Variants in KMT2E observed in about 807,000 individuals in gnomAD.
The protein encoded by KMT2E is histone reader KMT2E.
Under a neutral mutation model 184.6 loss-of-function variants are expected in KMT2E, and 30 were observed. That is an observed-to-expected ratio of 0.16 (90% CI 0.12 to 0.22). The LOEUF (loss-of-function observed/expected upper bound fraction) is 0.22, where lower values mean the gene tolerates loss of function less well. KMT2E is among the 10% of genes least tolerant of loss of function. The pLI is 1.00. For synonymous variants in KMT2E, 815 were observed against 776.5 expected, an observed-to-expected ratio of 1.05 and a Z score of -0.82; for missense variants, 2,023 against 2,237.4, an observed-to-expected ratio of 0.90 and a Z score of 1.93.
chr7:105,084,416 A>G (rs898189263), intron 13 of KMT2E, among the ~76,000 whole-genome samples: 1 of 152,176 alleles, frequency 6.6e-6, no homozygotes, highest in Non-Finnish European at 1.5e-5. Flanking sequence ...ACTTGAGGCC[A>G]GGAGTTCAAG....
At chr7:105,072,914 CA>C (rs1252053420) in intron 6 of KMT2E, among the ~76,000 whole-genome samples, 3 of 146,766 alleles carry the variant, frequency 2.0e-5, no homozygotes, top group African/African-American at 5.0e-5. Flanking sequence ...AACTCCATCT[CA>C]AAAAAAAAGC....
intron 3 of KMT2E, among the ~76,000 whole-genome samples, chr7:105,042,103 G>A (rs1322988074): frequency 1.3e-5 from 2 of 152,238 alleles, no homozygotes; most frequent in African/African-American, 4.8e-5. Flanking sequence ...GGATTCTCAT[G>A]TCTTAGCCTC....
At position 105,038,890 on chromosome 7, in the gene KMT2E, C is replaced by G. The variant is rs370058397; in HGVS notation, c.-115+691C>G. On this transcript the variant is annotated intron_variant, in intron 2 of 26. Coordinates refer to ENST00000311117, the MANE Select transcript of KMT2E (RefSeq NM_182931.3). The stretch of plus-strand genomic sequence containing the variant: ...TGTCTTAATACATATGACCTCTTGT[C>G]TTCTGACCTCTTGTGAGTAAATTAC... Among the ~76,000 whole-genome samples, 7 of 152,214 alleles carry G rather than the reference C, an allele frequency of 4.6e-5. No homozygotes were observed. The East Asian group carries it at 1.3e-3, about 29-fold the overall frequency.
intron 3 of KMT2E, among the ~76,000 whole-genome samples, chr7:105,045,324 G>A (rs868186706): frequency 1.5e-4 from 23 of 152,086 alleles, no homozygotes; most frequent in African/African-American, 5.6e-4. Flanking sequence ...AACATTTATC[G>A]TGTTAACCAT....
intron 15 of KMT2E, among the ~76,000 whole-genome samples, chr7:105,092,398 T>C (rs1798243141): frequency 6.6e-6 from 1 of 152,022 alleles, no homozygotes; most frequent in Admixed American, 6.5e-5. Flanking sequence ...CAAGACTCCA[T>C]CTCCAAAAAA....
intron 23 of KMT2E, 27 bp downstream of exon 23, chr7:105,109,255 C>A: frequency 6.3e-7 from 1 of 1,598,266 alleles, no homozygotes; most frequent in African/African-American, 1.3e-5. Context: ...GTATGCTACT[C>A]TGGAAAAAAC....
At position 105,113,885 on chromosome 7, in the gene KMT2E, C is replaced by T. The variant is rs1020862783; in HGVS notation, c.*552C>T. On this transcript the variant is annotated 3_prime_UTR_variant, in exon 27 of 27. Transcript: ENST00000311117. ...AACTGTAAATACTGCATTTCTTTTG[C>T]GTATATAATTGCTTACAGCTTTTCT... is the stretch of plus-strand genomic sequence containing the variant. The T allele has an allele frequency of 3.2e-5, 5 of 154,780 alleles. No homozygotes were observed. Among genetic ancestry groups the T allele is most frequent in the African/African-American group, 1.2e-4 (5 of 41,464 alleles). 9.6% of individuals were successfully genotyped at this position (154,780 alleles called of 1,614,324 possible).
rs761219973 is a variant in KMT2E at position 105,063,362 on chromosome 7, T to C, written c.198T>C (p.Tyr66=). The change falls in exon 5 of 27, where the codon TAT becomes TAC. Residue 66 remains tyrosine (Y), a synonymous_variant. Transcript: ENST00000311117. The part of the protein sequence containing the change: ...YIGLPYADHN[Y]GARPPPTPPA... ...GTTTAATTATTCAGGACCATAATTA[T>C]GGTGCTCGTCCTCCTCCGACACCTC... is the stretch of plus-strand genomic sequence containing the variant. 6 of 1,607,536 alleles carry C rather than the reference T, an allele frequency of 3.7e-6. No individual in the cohort carries two copies. The African/African-American group carries it at 4.0e-5, about 11-fold the overall frequency.
intron 23 of KMT2E, among the ~76,000 whole-genome samples, 181 bp from the exon 24 acceptor site, chr7:105,110,099 C>G (rs1584811245): frequency 6.6e-6 from 1 of 152,128 alleles, no homozygotes; most frequent in East Asian, 1.9e-4. Flanking sequence ...TCCCAAAGTG[C>G]TGGGATTACA....
rs895243676 is a variant in KMT2E at position 105,084,098 on chromosome 7, G to A, written c.1358+2301G>A. ...AAAGTGCATGGTTTTCACATTCTGC[G>A]GCCCAGCTGCGGTGATGGCTCCACA... is the stretch of plus-strand genomic sequence containing the variant. On this transcript the variant is annotated intron_variant, in intron 13 of 26. Transcript: ENST00000311117. Among the ~76,000 whole-genome samples, 6 of 152,182 alleles carry A rather than the reference G, an allele frequency of 3.9e-5. No individual in the cohort carries two copies. The Middle Eastern group carries it at 0.014, about 345-fold the overall frequency.
At position 105,090,499 on chromosome 7, in the gene KMT2E, A is replaced by G. The variant is rs770959312; in HGVS notation, c.1623+226A>G. On this transcript the variant is annotated intron_variant, in intron 14 of 26. Transcript: ENST00000311117. Reference sequence around the variant, plus strand: ...CAAGCAAATCCTTGCAGAATTGCAGACAAGATTTTCCTAAGACTAGATAAC... The same window carrying G: ...CAAGCAAATCCTTGCAGAATTGCAGGCAAGATTTTCCTAAGACTAGATAAC... 3.9e-5 allele frequency among the ~76,000 whole-genome samples: 6 copies of G among 152,342 alleles called. No homozygotes were observed. In the South Asian group the frequency reaches 6.2e-4, roughly 16 times the overall value.
At chr7:105,037,163 ATTAAT>A (rs1347592932) in intron 1 of KMT2E, among the ~76,000 whole-genome samples, 1 of 152,200 alleles carries the variant, frequency 6.6e-6, no homozygotes, top group East Asian at 1.9e-4. Context: ...AAATATATAC[ATTAAT>A]TTAAAATATT....
chr7:105,109,690 T>C (rs1255065666), intron 23 of KMT2E, among the ~76,000 whole-genome samples: 1 of 152,176 alleles, frequency 6.6e-6, no homozygotes, highest in African/African-American at 2.4e-5. Flanking sequence ...TTTTGGTACC[T>C]TTGGTAACCT....
chr7:105,068,638 TG>T (rs1159837723), intron 6 of KMT2E, among the ~76,000 whole-genome samples: 3,914 of 129,028 alleles, frequency 0.03, 558 homozygotes, highest in African/African-American at 0.099. Context: ...TTTTTTTTTT[TG>T]TTTTTTTTTT....
chr7:105,090,210 G>A lies in KMT2E; in HGVS notation c.1560G>A (p.Met520Ile), dbSNP rs143750087. The change falls in exon 14 of 27, where the codon ATG (methionine) becomes ATA (isoleucine). Residue 520 changes from methionine to isoleucine, a missense_variant. Met to Ile is a conservative substitution (Grantham distance 10, BLOSUM62 1). Transcript: ENST00000311117. The part of the protein sequence containing the change: ...TLDCEGTTNK[M>I]KSPETKQRKL... ...ATTGTGAAGGAACGACCAACAAAAT[G>A]AAGAGCCCAGAAACTAAACAAAGAA... is the stretch of plus-strand genomic sequence containing the variant. The A allele has an allele frequency of 6.2e-6, 10 of 1,609,782 alleles. No homozygotes were observed. The African/African-American group carries it at 1.3e-4, about 22-fold the overall frequency.
Position 105,074,810 on chromosome 7 carries a change from A to C in KMT2E, c.724A>C (p.Lys242Gln). The C allele has an allele frequency of 6.2e-7, 1 of 1,600,370 alleles. No individual in the cohort carries two copies. Among genetic ancestry groups the C allele is most frequent in the Non-Finnish European group, 8.5e-7 (1 of 1,174,548 alleles). Residue 242 changes from lysine (K) to glutamine (Q), a missense_variant, in exon 8 of 27, where the codon AAA becomes CAA. Lys to Gln is a moderately conservative substitution (Grantham distance 53). Around this residue, in one of 8 missense-constraint regions of KMT2E, gnomAD observed 191 missense variants for 209.0 expected, o/e 0.91. Transcript: ENST00000311117. ...GEKEQHISKCKKAFREGSRKS... is the reference protein window; with the variant it reads ...GEKEQHISKCQKAFREGSRKS... ...GAAAGAACAACACATTTCAAAATGT[A>C]AAAAGGTACGTTTTTGCTTGTTTTT... is the stretch of plus-strand genomic sequence containing the variant.
intron 1 of KMT2E, among the ~76,000 whole-genome samples, chr7:105,035,629 T>G (rs2129564910): frequency 6.6e-6 from 1 of 152,208 alleles, no homozygotes; most frequent in Admixed American, 6.5e-5. Flanking sequence ...GACAGAGAGT[T>G]TTGCTCTTGT....
intron 3 of KMT2E, among the ~76,000 whole-genome samples, chr7:105,050,888 G>A (rs948410139): frequency 6.6e-6 from 1 of 151,212 alleles, no homozygotes; most frequent in African/African-American, 2.4e-5. Flanking sequence ...CACCAAGCCT[G>A]GCTAATTTTT....
intron 8 of KMT2E, among the ~76,000 whole-genome samples, chr7:105,075,473 G>C (rs1797488965): frequency 6.6e-6 from 1 of 152,030 alleles, no homozygotes; most frequent in South Asian, 2.1e-4. Context: ...TTACTTGCTA[G>C]TTGCTTAGAG....
Sources: allele counts gnomAD v4.1 joint callset (sites outside exome capture counted in the v4.1 genomes callset), GRCh38; gene constraint gnomAD v4.1.1; regional missense constraint gnomAD v4.1.1; transcripts MANE v1.5; gene names NCBI Gene and HGNC (gene_info 2026-07-23, HGNC 2026-07-21).